The following MRLN variants were observed in gnomAD, a reference collection of about 807,000 sequenced individuals.
The protein encoded by MRLN is Linc-RNA activator of myogenesis.
At chr10:59,738,175 T>C (rs1438680318) in intron 2 of MRLN, 1 of 152,224 alleles carries the variant, frequency 6.6e-6, no homozygotes, top group Non-Finnish European at 1.5e-5. Flanking sequence ...CCCCAAATTA[T>C]ACAATAATCA....
At chr10:59,744,278 CCGTCTGAGATGTGAAGAGTG>C (rs1383735930) in intron 1 of MRLN, 1 of 157,450 alleles carries the variant, frequency 6.4e-6, no homozygotes, top group Non-Finnish European at 1.4e-5. Context: ...CCCCACCGTC[CCGTCTGAGATGTGAAGAGTG>C]CCTCTGCCCG....
intron 2 of MRLN, among the ~76,000 whole-genome samples, 155 bp from the exon 3 acceptor site, chr10:59,737,375 T>C (rs754043222): frequency 6.6e-5 from 10 of 152,184 alleles, no homozygotes; most frequent in Non-Finnish European, 1.3e-4. Flanking sequence ...TGAAATAAAA[T>C]ATTTTTCTCC....
chr10:59,743,630 G>A (rs1414392174), intron 1 of MRLN, among the ~76,000 whole-genome samples: 1 of 152,080 alleles, frequency 6.6e-6, no homozygotes, highest in Non-Finnish European at 1.5e-5. Flanking sequence ...GTCACATGGT[G>A]CTTGGATTTA....
At chr10:59,750,909 T>G (rs1841096568) in intron 1 of MRLN, among the ~76,000 whole-genome samples, 1 of 152,190 alleles carries the variant, frequency 6.6e-6, no homozygotes, top group Admixed American at 6.5e-5. Context: ...GGGGGCTTGT[T>G]TGTGTTTTTT....
At chr10:59,741,427 G>T (rs976457549) in intron 1 of MRLN, among the ~76,000 whole-genome samples, 4 of 151,846 alleles carry the variant, frequency 2.6e-5, no homozygotes, top group Non-Finnish European at 4.4e-5. Context: ...CTGTCACCTA[G>T]GCTGGAGTGC....
intron 1 of MRLN, among the ~76,000 whole-genome samples, chr10:59,751,859 A>G (rs1021456126): frequency 1.3e-5 from 2 of 152,288 alleles, no homozygotes; most frequent in Admixed American, 1.3e-4. Context: ...CCTGAGTTAC[A>G]GAGCAACACT....
chr10:59,739,429 T>C (rs1840957988), intron 1 of MRLN: 1 of 152,210 alleles, frequency 6.6e-6, no homozygotes, highest in African/African-American at 2.4e-5. Context: ...ATGCTGTAAA[T>C]CATCTCCATA....
intron 1 of MRLN, among the ~76,000 whole-genome samples, chr10:59,752,867 C>G (rs1231827340): frequency 1.3e-5 from 2 of 152,186 alleles, no homozygotes; most frequent in Non-Finnish European, 2.9e-5. Context: ...CAGGTGCCCT[C>G]TCTGATCCAA....
chr10:59,739,950 G>C (rs1317977362), intron 1 of MRLN, among the ~76,000 whole-genome samples: 1 of 152,084 alleles, frequency 6.6e-6, no homozygotes, highest in Non-Finnish European at 1.5e-5. Context: ...AAATTAGCCG[G>C]GCATGGTGGC....
At chr10:59,749,520 C>T (rs1293744758) in intron 1 of MRLN, among the ~76,000 whole-genome samples, 4 of 152,078 alleles carry the variant, frequency 2.6e-5, no homozygotes, top group Non-Finnish European at 1.5e-5. Flanking sequence ...ATGGCAAAAC[C>T]CTGCCTCTAC....
At chr10:59,741,433 A>G (rs1427206221) in intron 1 of MRLN, among the ~76,000 whole-genome samples, 1 of 151,984 alleles carries the variant, frequency 6.6e-6, no homozygotes, top group Non-Finnish European at 1.5e-5. Context: ...CCTAGGCTGG[A>G]GTGCAGTGGC....
rs1199366139 is a variant in MRLN, at chr10:59,736,924, T to C, written c.*136A>G. 2 of 362,284 alleles carry C rather than the reference T, an allele frequency of 5.5e-6. No individual in the cohort carries two copies. The highest frequency in any genetic ancestry group is 9.3e-5 in the Admixed American group (2 of 21,452). 22.4% of individuals were successfully genotyped at this position (362,284 alleles called of 1,614,324 possible). A position where few individuals can be genotyped will look rare whatever the true frequency, so the allele number is the denominator to read the frequency against. Reference sequence around the variant, plus strand: ...AAGAACTAAACAATACACAATGTTGTTTGTATTGCAGTGTCCTGTTGGCTT... The same window carrying C: ...AAGAACTAAACAATACACAATGTTGCTTGTATTGCAGTGTCCTGTTGGCTT... On this transcript the variant is annotated 3_prime_UTR_variant, in exon 3 of 3. Transcript: ENST00000414264.
chr10:59,750,528 C>A (rs990355420), intron 1 of MRLN, among the ~76,000 whole-genome samples: 8 of 152,334 alleles, frequency 5.3e-5, no homozygotes, highest in South Asian at 2.1e-4. Flanking sequence ...ACTATCAGGA[C>A]TCTTGAAGGT....
intron 1 of MRLN, among the ~76,000 whole-genome samples, chr10:59,740,938 C>T (rs1478096371): frequency 6.6e-6 from 1 of 151,900 alleles, no homozygotes; most frequent in Non-Finnish European, 1.5e-5. Context: ...GCTGAGATTA[C>T]AGGAATGCAC....
chr10:59,750,192 C>T (rs1841087034), intron 1 of MRLN, among the ~76,000 whole-genome samples: 1 of 151,736 alleles, frequency 6.6e-6, no homozygotes, highest in African/African-American at 2.4e-5. Context: ...CCTGCCTCAG[C>T]CCCCGAGTAG....
intron 1 of MRLN, among the ~76,000 whole-genome samples, chr10:59,742,181 C>A (rs903354551): frequency 6.6e-6 from 1 of 151,988 alleles, no homozygotes; most frequent in Non-Finnish European, 1.5e-5. Context: ...AACTTAAATG[C>A]CATTAGTACA....
intron 1 of MRLN, 75 bp downstream of exon 1, chr10:59,753,279 A>G (rs2132598577): frequency 6.6e-6 from 1 of 152,266 alleles, no homozygotes; most frequent in African/African-American, 2.4e-5. Flanking sequence ...GTCACACTAA[A>G]CTTTCCTCCA....
chr10:59,749,841 A>G (rs1841081197), intron 1 of MRLN, among the ~76,000 whole-genome samples: 1 of 152,026 alleles, frequency 6.6e-6, no homozygotes, highest in South Asian at 2.1e-4. Context: ...GCTCAGTTAG[A>G]TGAGAGGAAA....
chr10:59,747,391 G>A (rs1369561516), intron 1 of MRLN, among the ~76,000 whole-genome samples: 3 of 152,166 alleles, frequency 2.0e-5, no homozygotes, highest in Non-Finnish European at 4.4e-5. Context: ...CATAAAGTGG[G>A]GATAATGGTA....
Sources: gnomAD v4.1 joint callset for allele counts (sites outside exome capture counted in the v4.1 genomes callset) on GRCh38, gnomAD v4.1.1 for gene constraint, MANE v1.5 for transcripts, NCBI Gene and HGNC (gene_info 2026-07-23, HGNC 2026-07-21) for gene names.